The following SV2C variants were observed in gnomAD, a reference collection of about 807,000 sequenced individuals.
The protein encoded by SV2C is solute carrier family 22 member B3.
SV2C carries 49 observed loss-of-function variants against 79.7 expected under a neutral mutation model. The ratio of observed to expected loss-of-function variants is 0.61; its 90% CI spans 0.49 to 0.78. The LOEUF is 0.78. Among genes scored for constraint, SV2C ranks in the 30% least tolerant of loss-of-function variants. The pLI, the probability that SV2C is intolerant of heterozygous loss-of-function variation, is 0.00. For synonymous variants in SV2C, 334 were observed against 333.2 expected (o/e 1.00, Z -0.03); for missense variants, 833 against 912.9 (o/e 0.91, Z 1.13).
the SV2C span, among the ~76,000 whole-genome samples, chr5:75,881,203 A>T: frequency 6.6e-6 from 1 of 152,176 alleles, no homozygotes. Context: ...CGAGATTTGG[A>T]GTGGGCAAAT....
chr5:75,884,911 A>G, the SV2C span, among the ~76,000 whole-genome samples: 1 of 152,176 alleles, frequency 6.6e-6, no homozygotes, highest in South Asian at 2.1e-4. Context: ...TCAGAGTATA[A>G]TTAATAATGA....
chr5:75,937,229 T>C, the SV2C span, among the ~76,000 whole-genome samples: 1 of 152,250 alleles, frequency 6.6e-6, no homozygotes, highest in Admixed American at 6.5e-5. Context: ...ATCTTTTCTA[T>C]GCCTTAGTGA....
chr5:76,173,406 C>T (rs1474311608), intron 2 of SV2C, among the ~76,000 whole-genome samples: 4 of 152,216 alleles, frequency 2.6e-5, no homozygotes, highest in African/African-American at 9.7e-5. Flanking sequence ...TTACCAGCTG[C>T]ATACTCTAGG....
At chr5:75,859,491 A>G in the SV2C span, among the ~76,000 whole-genome samples, 1 of 152,212 alleles carries the variant, frequency 6.6e-6, no homozygotes, top group Non-Finnish European at 1.5e-5. Context: ...CCAAATAGGA[A>G]AATAAGAAGT....
At chr5:76,032,333 G>T in the SV2C span, among the ~76,000 whole-genome samples, 1 of 152,034 alleles carries the variant, frequency 6.6e-6, no homozygotes. Context: ...TGCCATGCTG[G>T]TGCGCTGCAC....
chr5:75,858,276 C>A, the SV2C span, among the ~76,000 whole-genome samples: 4 of 152,198 alleles, frequency 2.6e-5, no homozygotes, highest in African/African-American at 7.2e-5. Context: ...AGGTATGTTC[C>A]TTCTATACCC....
chr5:75,876,986 A>G, the SV2C span, among the ~76,000 whole-genome samples: 1 of 151,960 alleles, frequency 6.6e-6, no homozygotes, highest in Non-Finnish European at 1.5e-5. Flanking sequence ...ATATCACCCA[A>G]TCAAAAGGCA....
Position 76,248,389 on chromosome 5 carries a change from T to C in SV2C, c.914-36773T>C, listed in dbSNP as rs530800027. Among the ~76,000 whole-genome samples the C allele has an allele frequency of 2.6e-5, 4 of 152,354 alleles. No individual in the cohort carries two copies. The East Asian group carries it at 7.7e-4, about 29-fold the overall frequency. ...CTGTGTTCTCACATGGTCATTTCTC[T>C]GTTTTCTGTGTCCTAATCTGCTCTT... On this transcript the variant is annotated intron_variant, in intron 4 of 12. Coordinates refer to ENST00000502798, the MANE Select transcript of SV2C (RefSeq NM_014979.4).
At chr5:76,212,019 G>A (rs1580356983) in intron 4 of SV2C, among the ~76,000 whole-genome samples, 6 of 152,082 alleles carry the variant, frequency 3.9e-5, no homozygotes, top group Admixed American at 3.9e-4. Context: ...TCACTTATGG[G>A]CCAGAGATGC....
chr5:76,220,890 A>G (rs1027677063), intron 4 of SV2C, among the ~76,000 whole-genome samples: 3 of 152,150 alleles, frequency 2.0e-5, no homozygotes, highest in Non-Finnish European at 4.4e-5. Flanking sequence ...TACTCCCAGA[A>G]AGAATCTTCC....
chr5:76,203,338 A>T (rs1744509802), intron 3 of SV2C, among the ~76,000 whole-genome samples: 1 of 152,124 alleles, frequency 6.6e-6, no homozygotes, highest in South Asian at 2.1e-4. Context: ...TGGGTAAATG[A>T]AGGGTGGGTG....
chr5:75,899,982 C>G, the SV2C span, among the ~76,000 whole-genome samples: 1,624 of 152,242 alleles, frequency 0.011, 11 homozygotes, highest in South Asian at 0.017. Flanking sequence ...GGCGGGTTTC[C>G]TGAATACAGC....
chr5:76,026,201 AACACAC>A, the SV2C span, among the ~76,000 whole-genome samples: 55 of 140,138 alleles, frequency 3.9e-4, no homozygotes, highest in South Asian at 1.2e-3. Context: ...CAAATTTACA[AACACAC>A]ACACACACAC....
At chr5:75,969,322 A>C in the SV2C span, among the ~76,000 whole-genome samples, 1 of 152,210 alleles carries the variant, frequency 6.6e-6, no homozygotes, top group Admixed American at 6.5e-5. Flanking sequence ...TTCACACATA[A>C]CAATACTAAC....
At chr5:76,274,457 T>C (rs1230781599) in intron 4 of SV2C, among the ~76,000 whole-genome samples, 1 of 152,142 alleles carries the variant, frequency 6.6e-6, no homozygotes, top group African/African-American at 2.4e-5. Context: ...AACTGATATG[T>C]TTTATGTATA....
the SV2C span, among the ~76,000 whole-genome samples, chr5:76,017,532 G>A: frequency 3.9e-5 from 6 of 152,128 alleles, no homozygotes; most frequent in South Asian, 6.2e-4. Context: ...ACCTGCTTCA[G>A]CCTCCCAAAG....
the SV2C span, among the ~76,000 whole-genome samples, chr5:76,066,955 T>G: frequency 2.2e-4 from 33 of 152,320 alleles, no homozygotes; most frequent in African/African-American, 7.9e-4. Flanking sequence ...CACTTTGCAG[T>G]GTCATGGAAG....
intron 2 of SV2C, among the ~76,000 whole-genome samples, chr5:76,164,247 T>C (rs776216222): frequency 6.6e-6 from 1 of 152,212 alleles, no homozygotes; most frequent in Non-Finnish European, 1.5e-5. Context: ...GTATTAAAGG[T>C]TATTTTGATA....
At chr5:76,177,504 A>G (rs1234197404) in intron 2 of SV2C, among the ~76,000 whole-genome samples, 1 of 146,102 alleles carries the variant, frequency 6.8e-6, no homozygotes, top group Non-Finnish European at 1.5e-5. Flanking sequence ...AATTATAACA[A>G]TATACTATAA....
Sources: gnomAD v4.1 joint callset for allele counts (sites outside exome capture counted in the v4.1 genomes callset) on GRCh38, gnomAD v4.1.1 for gene constraint, MANE v1.5 for transcripts, NCBI Gene and HGNC (gene_info 2026-07-23, HGNC 2026-07-21) for gene names.